Variants in AOAH observed in about 807,000 individuals in gnomAD.
AOAH encodes the protein acyloxyacyl hydrolase (neutrophil).
Under a neutral mutation model 92.2 loss-of-function variants are expected in AOAH, and 64 were observed. That is an observed-to-expected ratio of 0.69 (90% CI 0.57 to 0.86). The LOEUF (loss-of-function observed/expected upper bound fraction) is 0.86, where lower values mean the gene tolerates loss of function less well. AOAH is among the 40% of genes least tolerant of loss of function. The pLI is 0.00. For synonymous variants in AOAH, 263 were observed against 254.5 expected, an observed-to-expected ratio of 1.03 and a Z score of -0.32; for missense variants, 656 against 694.6, an observed-to-expected ratio of 0.94 and a Z score of 0.62.
chr7:36,536,659 G>A (rs1007258370), intron 16 of AOAH, among the ~76,000 whole-genome samples: 6 of 152,106 alleles, frequency 3.9e-5, no homozygotes, highest in Admixed American at 1.3e-4. Flanking sequence ...TAAGAATCAC[G>A]CCTTCTCAGC....
intron 1 of AOAH, among the ~76,000 whole-genome samples, chr7:36,698,397 TTCTC>T (rs1262926625): frequency 9.9e-5 from 15 of 152,130 alleles, no homozygotes; most frequent in African/African-American, 3.4e-4. Context: ...GTTTCATCGA[TTCTC>T]TCTATTGCAT....
chr7:36,535,477 AG>A (rs1232597639), intron 16 of AOAH, among the ~76,000 whole-genome samples: 4 of 152,230 alleles, frequency 2.6e-5, no homozygotes, highest in Non-Finnish European at 5.9e-5. Flanking sequence ...GTGATAAAAT[AG>A]AAACACCAAG....
chr7:36,662,330 C>T (rs1795264787), intron 3 of AOAH, among the ~76,000 whole-genome samples: 1 of 152,210 alleles, frequency 6.6e-6, no homozygotes, highest in African/African-American at 2.4e-5. Context: ...ATGCAGCGTT[C>T]ATCGTGAAAG....
At position 36,640,753 on chromosome 7, in the gene AOAH, A is replaced by G. The variant is rs547994751; in HGVS notation, c.391-2843T>C. On this transcript the variant is annotated intron_variant, in intron 4 of 20. Coordinates refer to ENST00000617537, the MANE Select transcript of AOAH (RefSeq NM_001637.4). ...CAGAAAATGGCAATTGACTCTACCC[A>G]ACAATAAAGTGAATAGTGGAGGGAA... Among the ~76,000 whole-genome samples, 10 of 152,312 alleles carry G rather than the reference A, an allele frequency of 6.6e-5. No homozygotes were observed. The South Asian group carries it at 2.1e-3, about 32-fold the overall frequency.
At chr7:36,677,388 T>C (rs1480816581) in intron 2 of AOAH, among the ~76,000 whole-genome samples, 1 of 152,218 alleles carries the variant, frequency 6.6e-6, no homozygotes, top group African/African-American at 2.4e-5. Flanking sequence ...CAAAATGAGA[T>C]ACAACTTCAT....
At chr7:36,610,148 C>T (rs1257533263) in intron 11 of AOAH, among the ~76,000 whole-genome samples, 9 of 85,654 alleles carry the variant, frequency 1.1e-4, no homozygotes, top group East Asian at 2.8e-4. Flanking sequence ...AAGGAGAATG[C>T]TCCATAATAG....
At chr7:36,537,699 T>C (rs1333954262) in intron 16 of AOAH, among the ~76,000 whole-genome samples, 1 of 152,060 alleles carries the variant, frequency 6.6e-6, no homozygotes, top group Non-Finnish European at 1.5e-5. Context: ...TTTTTTGTAT[T>C]TTTAGCAGAG....
chr7:36,530,921 T>C (rs1784652341), intron 18 of AOAH, among the ~76,000 whole-genome samples: 1 of 152,208 alleles, frequency 6.6e-6, no homozygotes, highest in African/African-American at 2.4e-5. Flanking sequence ...TTCTAGGAAT[T>C]TGTCTCAAGG....
At chr7:36,522,229 C>G in intron 19 of AOAH, 114 bp from the exon 20 acceptor site, 2 of 836,310 alleles carry the variant, frequency 2.4e-6, no homozygotes, top group Non-Finnish European at 3.9e-6. Context: ...TTGACCAAGC[C>G]ACGGCTGCCT....
intron 10 of AOAH, 79 bp from the exon 11 acceptor site, chr7:36,616,553 A>G: frequency 8.6e-7 from 1 of 1,158,114 alleles, no homozygotes; most frequent in African/African-American, 1.5e-5. Flanking sequence ...ATAAGAGCGG[A>G]TACCCTAGTG....
intron 3 of AOAH, among the ~76,000 whole-genome samples, chr7:36,671,548 C>G (rs1015973221): frequency 6.6e-6 from 1 of 151,998 alleles, no homozygotes; most frequent in East Asian, 1.9e-4. Flanking sequence ...TAGGAAAATG[C>G]GTGCATGCTC....
chr7:36,517,222 T>TTCTTTC (rs1562854041), intron 20 of AOAH, among the ~76,000 whole-genome samples: 2 of 67,266 alleles, frequency 3.0e-5, no homozygotes, highest in Non-Finnish European at 7.4e-5. Context: ...TTCTCTTTCT[T>TTCTTTC]TCTGTCTCTC....
rs147781097 is a variant in AOAH, at chr7:36,545,814, C to A, written c.1133+2798G>T. 4.6e-5 allele frequency among the ~76,000 whole-genome samples: 7 copies of A among 152,144 alleles called. No homozygotes were observed. The South Asian group carries it at 6.2e-4, about 14-fold the overall frequency. ...TACCATGTTCGTTTCAGGGATGCTG[C>A]GCTGGGATGTTGGCAAAGGATTGTC... On this transcript the variant is annotated intron_variant, in intron 15 of 20. Transcript: ENST00000617537.
At chr7:36,699,000 C>G (rs780578302) in intron 1 of AOAH, among the ~76,000 whole-genome samples, 2 of 141,060 alleles carry the variant, frequency 1.4e-5, no homozygotes, top group Non-Finnish European at 3.1e-5. Context: ...CACTACTACT[C>G]TATCTTTATG....
chr7:36,626,812 T>A (rs1031674344), intron 6 of AOAH, among the ~76,000 whole-genome samples: 1 of 152,188 alleles, frequency 6.6e-6, no homozygotes, highest in Admixed American at 6.5e-5. Context: ...AGAGACGGGG[T>A]CTTGCTCTGT....
chr7:36,691,660 C>A (rs1023897974), intron 1 of AOAH, among the ~76,000 whole-genome samples: 1 of 152,138 alleles, frequency 6.6e-6, no homozygotes, highest in Non-Finnish European at 1.5e-5. Flanking sequence ...GATTTTGGCA[C>A]CCATGGAATG....
At chr7:36,579,464 G>A (rs1192671287) in intron 12 of AOAH, among the ~76,000 whole-genome samples, 2 of 151,910 alleles carry the variant, frequency 1.3e-5, no homozygotes, top group Non-Finnish European at 2.9e-5. Context: ...ACATAAATCT[G>A]TATTAGGTAT....
chr7:36,653,225 T>G (rs1252683039), intron 4 of AOAH, among the ~76,000 whole-genome samples: 1 of 152,218 alleles, frequency 6.6e-6, no homozygotes, highest in Admixed American at 6.5e-5. Flanking sequence ...CTTTGGATTG[T>G]GCAGAATGAA....
chr7:36,556,883 C>T (rs1786770416), intron 13 of AOAH, among the ~76,000 whole-genome samples: 1 of 150,708 alleles, frequency 6.6e-6, no homozygotes, highest in Admixed American at 6.6e-5. Context: ...TGTGTCTCTG[C>T]ACGTGAGATG....
Sources: allele counts gnomAD v4.1 joint callset (sites outside exome capture counted in the v4.1 genomes callset), GRCh38; gene constraint gnomAD v4.1.1; transcripts MANE v1.5; gene names NCBI Gene and HGNC (gene_info 2026-07-23, HGNC 2026-07-21).